Variants in SYTL2 observed in about 807,000 individuals in gnomAD.
SYTL2 encodes synaptotagmin-like protein 2.
A neutral mutation model predicts 198.7 loss-of-function variants in SYTL2; 165 were observed. The ratio of observed to expected loss-of-function variants is 0.83; its 90% CI spans 0.73 to 0.94. The LOEUF (loss-of-function observed/expected upper bound fraction) is 0.94. SYTL2 is among the 40% of genes least tolerant of loss of function. The pLI, the probability that SYTL2 is intolerant of heterozygous loss-of-function variation, is 0.00. For synonymous variants in SYTL2, 966 were observed against 917.7 expected (o/e 1.05, Z -0.95); for missense variants, 2,835 against 2,582.8 (o/e 1.10, Z -2.12).
intron 1 of SYTL2, among the ~76,000 whole-genome samples, chr11:85,764,938 A>G (rs932063901): frequency 1.3e-5 from 2 of 152,232 alleles, no homozygotes; most frequent in Non-Finnish European, 2.9e-5. Context: ...GTACACAGAA[A>G]TGTGTTTATA....
the SYTL2 span, among the ~76,000 whole-genome samples, chr11:85,817,808 C>A: frequency 1.3e-5 from 2 of 151,706 alleles, no homozygotes; most frequent in African/African-American, 4.8e-5. Flanking sequence ...CTTTAGAATT[C>A]AAAGCACAAT....
At chr11:85,794,178 AT>A (rs933533140) in intron 1 of SYTL2, among the ~76,000 whole-genome samples, 5 of 150,884 alleles carry the variant, frequency 3.3e-5, no homozygotes, top group Non-Finnish European at 5.9e-5. Flanking sequence ...CCAGATTTAA[AT>A]TTTTTTTTCT....
At chr11:85,764,866 C>G (rs2092197535) in intron 1 of SYTL2, among the ~76,000 whole-genome samples, 1 of 152,240 alleles carries the variant, frequency 6.6e-6, no homozygotes, top group South Asian at 2.1e-4. Context: ...GAACCAGAAA[C>G]TATTACTGAA....
At chr11:85,717,355 G>C (rs1359231455) in intron 11 of SYTL2, 128 bp downstream of exon 11, 1 of 732,058 alleles carries the variant, frequency 1.4e-6, no homozygotes, top group Non-Finnish European at 2.3e-6. Flanking sequence ...TAATGAAATA[G>C]CTTTGCAAGC....
upstream of SYTL2, among the ~76,000 whole-genome samples, chr11:85,813,034 A>G (rs1386159155): frequency 6.6e-6 from 1 of 152,168 alleles, no homozygotes; most frequent in East Asian, 1.9e-4. Context: ...AAGGAACTAA[A>G]TACATGCTGT....
intron 6 of SYTL2, 37 bp from the exon 7 acceptor site, chr11:85,734,779 G>T: frequency 7.0e-7 from 1 of 1,420,958 alleles, no homozygotes; most frequent in Non-Finnish European, 9.7e-7. Flanking sequence ...ATATCATATA[G>T]AGAGTAATAT....
At chr11:85,771,410 A>G (rs1279236770) in intron 1 of SYTL2, among the ~76,000 whole-genome samples, 1 of 152,234 alleles carries the variant, frequency 6.6e-6, no homozygotes, top group African/African-American at 2.4e-5. Context: ...AAAGTAATAA[A>G]TCAGTATTTC....
At chr11:85,745,915 G>A (rs2091126515) in intron 3 of SYTL2, 143 bp from the exon 4 acceptor site, 1 of 706,556 alleles carries the variant, frequency 1.4e-6, no homozygotes, top group African/African-American at 1.8e-5. Context: ...CTAAGTAGTT[G>A]ATCAGAATTA....
chr11:85,786,807 G>A (rs1463542122), intron 1 of SYTL2, among the ~76,000 whole-genome samples: 1 of 152,040 alleles, frequency 6.6e-6, no homozygotes, highest in Non-Finnish European at 1.5e-5. Context: ...AAATATTTCA[G>A]GACTCTTATC....
intron 1 of SYTL2, among the ~76,000 whole-genome samples, chr11:85,771,833 A>C (rs2092360198): frequency 6.6e-6 from 1 of 152,160 alleles, no homozygotes; most frequent in Non-Finnish European, 1.5e-5. Context: ...GAATCACCAC[A>C]GGGAGCTGAT....
Position 85,717,521 on chromosome 11 carries a change from G to A in SYTL2, c.5492C>T (p.Pro1831Leu). 1 of 1,612,716 alleles carries A rather than the reference G, an allele frequency of 6.2e-7. No individual in the cohort carries two copies. Among genetic ancestry groups the A allele is most frequent in the South Asian group, 1.1e-5 (1 of 91,028 alleles). The stretch of plus-strand genomic sequence containing the variant: ...TTCATTTGTAACTGGCTTCTGATCT[G>A]GTTTCTCATCTACTCAGGAGGGCAA... ...LVRSAEDDEKPDQKPVTNECV... is the reference protein window; with the variant it reads ...LVRSAEDDEKLDQKPVTNECV... The change falls in exon 11 of 20, where the codon CCA (proline) becomes CTA (leucine). Residue 1831 changes from proline (P) to leucine (L), a missense_variant. This residue lies in a region of SYTL2 where 2,645 missense variants were observed against 2,381.7 expected (regional missense o/e 1.11). Coordinates refer to ENST00000359152, the MANE Select transcript of SYTL2 (RefSeq NM_206927.4).
At chr11:85,720,986 C>G in intron 8 of SYTL2, 27 bp from the exon 9 acceptor site, 1 of 1,371,888 alleles carries the variant, frequency 7.3e-7, no homozygotes, top group Non-Finnish European at 1.0e-6. Flanking sequence ...TCGATGAACA[C>G]TGCACAATAC....
chr11:85,696,436 C>T (rs770265201), intron 18 of SYTL2, 48 bp from the exon 19 acceptor site: 3 of 1,410,782 alleles, frequency 2.1e-6, no homozygotes, highest in South Asian at 2.3e-5. Flanking sequence ...AGATAGTGAA[C>T]ATTCATGCTT....
chr11:85,764,580 A>T (rs995873795), intron 1 of SYTL2, among the ~76,000 whole-genome samples: 3 of 152,316 alleles, frequency 2.0e-5, no homozygotes, highest in Admixed American at 6.5e-5. Context: ...AAGTTTCCTG[A>T]TTCCTAGACT....
At chr11:85,740,691 G>A (rs1020083572) in intron 4 of SYTL2, among the ~76,000 whole-genome samples, 8 of 152,126 alleles carry the variant, frequency 5.3e-5, no homozygotes, top group Admixed American at 2.6e-4. Context: ...CCTGTGTTCT[G>A]TAACCTTCCC....
the SYTL2 span, among the ~76,000 whole-genome samples, chr11:85,846,450 C>CA: frequency 1.3e-5 from 2 of 152,202 alleles, no homozygotes; most frequent in African/African-American, 4.8e-5. Flanking sequence ...TTTTTTGAGA[C>CA]AGAGTTTTGC....
chr11:85,717,363 A>C, intron 11 of SYTL2, 120 bp downstream of exon 11: 1 of 771,696 alleles, frequency 1.3e-6, no homozygotes, highest in South Asian at 1.6e-5. Flanking sequence ...TAGCTTTGCA[A>C]GCTGCAGGAG....
chr11:85,787,695 C>CCTTTTTTTTTT (rs1566023900), intron 1 of SYTL2, among the ~76,000 whole-genome samples: 1 of 102,694 alleles, frequency 9.7e-6, no homozygotes, highest in Non-Finnish European at 2.0e-5. Context: ...GTTTTTTTTT[C>CCTTTTTTTTTT]TTTTCCTTTT....
chr11:85,801,876 G>A (rs1212190556), intron 1 of SYTL2, among the ~76,000 whole-genome samples: 1 of 149,956 alleles, frequency 6.7e-6, no homozygotes, highest in Admixed American at 6.7e-5. Flanking sequence ...GTGCAATGGC[G>A]CGATCTCGGC....
Sources: allele counts gnomAD v4.1 joint callset (sites outside exome capture counted in the v4.1 genomes callset), GRCh38; gene constraint gnomAD v4.1.1; regional missense constraint gnomAD v4.1.1; transcripts MANE v1.5; gene names NCBI Gene and HGNC (gene_info 2026-07-23, HGNC 2026-07-21).